Variants in ASMT observed in about 807,000 individuals in gnomAD.
The protein encoded by ASMT is acetylserotonin O-methyltransferase.
Under a neutral mutation model 41.3 loss-of-function variants are expected in ASMT, and 53 were observed. The observed-to-expected ratio is 1.28, with a 90% CI of 1.03 to 1.61. ASMT has a LOEUF of 1.61. Ranked by LOEUF, ASMT falls within the 40% of genes most tolerant of loss-of-function variation. The pLI, the probability that ASMT is intolerant of heterozygous loss-of-function variation, is 0.00. For missense variants in ASMT, 531 were observed against 441.3 expected (o/e 1.20, Z -1.82); for synonymous variants, 231 against 184.8 (o/e 1.25, Z -2.03).
chrX:1,635,138 C>T (rs1934913639), intron 7 of ASMT, among the ~76,000 whole-genome samples: 2 of 114,058 alleles, frequency 1.8e-5, no homozygotes, highest in South Asian at 5.3e-4. Context: ...CCACGCCCAG[C>T]TAATTTTTTT....
intron 8 of ASMT, 74 bp downstream of exon 8, chrX:1,636,634 C>G (rs1934977309): frequency 6.2e-7 from 1 of 1,610,548 alleles, no homozygotes; most frequent in Non-Finnish European, 8.5e-7. Context: ...ATTTAGAAGG[C>G]AGGCACTGAA....
Position 1,636,462 on chromosome X carries a change from C to A in ASMT, c.812C>A (p.Pro271Gln), listed in dbSNP as rs121918826. ...GGGGATTTCTTCAAAGACCCTCTTC[C>A]GGAAGCTGATCTGTACATCCTGGCC... ...QEGDFFKDPLPEADLYILARV... is the reference protein window; with the variant it reads ...QEGDFFKDPLQEADLYILARV... The change falls in exon 8 of 9, where the codon CCG (proline) becomes CAG (glutamine). Residue 271 changes from proline to glutamine, a missense_variant. By Grantham distance (76) the Pro-to-Gln change is moderately conservative. Transcript: ENST00000381241. 3 of 1,613,770 alleles carry A rather than the reference C, an allele frequency of 1.9e-6. No homozygotes were observed. Among genetic ancestry groups the A allele is most frequent in the Non-Finnish European group, 2.5e-6 (3 of 1,179,876 alleles).
At chrX:1,642,076 ATGTGGG>A (rs1935201609) in intron 8 of ASMT, among the ~76,000 whole-genome samples, 1 of 143,262 alleles carries the variant, frequency 7.0e-6, no homozygotes, top group South Asian at 2.2e-4. Flanking sequence ...GCCCATGAGG[ATGTGGG>A]CACAGCCTCT....
Position 1,629,807 on chromosome X carries a change from G to A in ASMT, c.444-14G>A, listed in dbSNP as rs201563498. ...GATCCTCACCATCTTGACAAGCGTG[G>A]TTTTGCATGCCAGGTCCGAGGGCGA... On this transcript the variant is annotated splice_polypyrimidine_tract_variant and intron_variant, in intron 4 of 8. Coordinates refer to ENST00000381241, the MANE Select transcript of ASMT (RefSeq NM_001171038.2). 17 of 1,613,530 alleles carry A rather than the reference G, an allele frequency of 1.1e-5. No homozygotes were observed. The highest frequency in any genetic ancestry group is 1.4e-5 in the Non-Finnish European group (17 of 1,179,500).
At position 1,615,103 on chromosome X, in the gene ASMT, T is replaced by G. The variant is rs1934027273; in HGVS notation, c.-97T>G. 1 of 1,047,004 alleles carries G rather than the reference T, an allele frequency of 9.6e-7. No individual in the cohort carries two copies. The highest frequency in any genetic ancestry group is 1.6e-5 in the African/African-American group (1 of 64,196). 64.9% of individuals were successfully genotyped at this position (1,047,004 alleles called of 1,614,324 possible). On this transcript the variant is annotated 5_prime_UTR_variant, in exon 1 of 9. Transcript: ENST00000381241. The stretch of plus-strand genomic sequence containing the variant: ...AGCAGGGAGAGTCAGGCAGCAGCTG[T>G]GAGCGGGTGGCTCTTCCCCACCTTG...
At chrX:1,635,304 C>T (rs1934920990) in intron 7 of ASMT, among the ~76,000 whole-genome samples, 1 of 151,996 alleles carries the variant, frequency 6.6e-6, no homozygotes. Flanking sequence ...CTTCACTGCA[C>T]AGAGCTCACC....
intron 8 of ASMT, among the ~76,000 whole-genome samples, chrX:1,641,967 G>C (rs1935194317): frequency 7.1e-6 from 1 of 140,110 alleles, no homozygotes; most frequent in African/African-American, 2.6e-5. Context: ...CAGTGTCTGT[G>C]AGGTCCACCC....
chrX:1,616,971 G>C (rs1190413905), intron 1 of ASMT, among the ~76,000 whole-genome samples: 1 of 152,014 alleles, frequency 6.6e-6, no homozygotes, highest in African/African-American at 2.4e-5. Flanking sequence ...GCCTCCCAAA[G>C]TGCTGGGATT....
At chrX:1,615,873 G>C (rs747720510) in intron 1 of ASMT, among the ~76,000 whole-genome samples, 1 of 152,120 alleles carries the variant, frequency 6.6e-6, no homozygotes, top group Non-Finnish European at 1.5e-5. Flanking sequence ...TTAGAAACAA[G>C]ACAATGTTTA....
In ASMT at chrX:1,623,185, A is replaced by G; in HGVS notation, c.116A>G (p.Glu39Gly). The change falls in exon 2 of 9, where the codon GAG (glutamate) becomes GGG (glycine). Residue 39 changes from glutamate to glycine, a missense_variant. Coordinates refer to ENST00000381241, the MANE Select transcript of ASMT (RefSeq NM_001171038.2). ...CELGVFDLLA[E>G]APGPLDVAAV... ...CTGGGCGTGTTTGACCTTCTCGCCG[A>G]GGCCCCAGGGCCCCTGGACGTGGCG... The G allele has an allele frequency of 6.2e-7, 1 of 1,613,246 alleles. No homozygotes were observed. The highest frequency in any genetic ancestry group is 8.5e-7 in the Non-Finnish European group (1 of 1,179,830).
At chrX:1,629,325 G>T (rs766790103) in intron 4 of ASMT, among the ~76,000 whole-genome samples, 15 of 151,524 alleles carry the variant, frequency 9.9e-5, no homozygotes, top group Non-Finnish European at 1.8e-4. Flanking sequence ...AGGGAGCTGT[G>T]GGGGGGGAGG....
intron 2 of ASMT, 144 bp downstream of exon 2, chrX:1,623,457 G>T: frequency 9.4e-7 from 1 of 1,068,448 alleles, no homozygotes; most frequent in Non-Finnish European, 1.4e-6. Flanking sequence ...AAATTAGCCG[G>T]GTGTGGTGGC....
At chrX:1,642,678 G>T (rs1160869449) in intron 8 of ASMT, 125 bp from the exon 9 acceptor site, 113 of 848,138 alleles carry the variant, frequency 1.3e-4, no homozygotes, top group Non-Finnish European at 2.1e-4. Context: ...CAGCCTCTGA[G>T]TGTGTGATGG....
rs768791548 is a variant in ASMT at position 1,642,847 on chromosome X, C to T, written c.955C>T (p.Arg319Ter). 2.0e-5 allele frequency: 32 copies of T among 1,613,846 alleles called. No individual in the cohort carries two copies. Among genetic ancestry groups the T allele is most frequent in the Admixed American group, 5.0e-5 (3 of 59,990 alleles). The change falls in exon 9 of 9, where the codon CGA (arginine) becomes TGA (stop). Residue 319 changes from arginine (R) to a stop codon, truncating the protein, a stop_gained. Transcript: ENST00000381241. LOFTEE classifies it high-confidence loss of function. ...TGAAAGCCTCCTGGATGAAGACAGGCGAGGTCCTCTGCTCACGCAGCTCTA... is the reference window on the plus strand; with the variant it reads ...TGAAAGCCTCCTGGATGAAGACAGGTGAGGTCCTCTGCTCACGCAGCTCTA... ...VIESLLDEDR[R>*]GPLLTQLYSL...
At chrX:1,636,377 A>G (rs780463063) in intron 7 of ASMT, 61 bp from the exon 8 acceptor site, 24 of 1,613,536 alleles carry the variant, frequency 1.5e-5, no homozygotes, top group Non-Finnish European at 2.0e-5. Context: ...TGCCCAGAAT[A>G]GGTTTAGTCA....
Position 1,636,428 on chromosome X carries a change from T to C in ASMT, c.788-10T>C, listed in dbSNP as rs201486873. Reference sequence around the variant, plus strand: ...CAGGCTGACCTCGGTGTGCCTGCCCTGTGTTCCAGGGGATTTCTTCAAAGA... The same window carrying C: ...CAGGCTGACCTCGGTGTGCCTGCCCCGTGTTCCAGGGGATTTCTTCAAAGA... On this transcript the variant is annotated splice_polypyrimidine_tract_variant and intron_variant, in intron 7 of 8. Coordinates refer to ENST00000381241, the MANE Select transcript of ASMT (RefSeq NM_001171038.2). 5 of 1,613,936 alleles carry C rather than the reference T, an allele frequency of 3.1e-6. No individual in the cohort carries two copies. In the East Asian group the frequency reaches 8.9e-5, roughly 29 times the overall value.
intron 8 of ASMT, among the ~76,000 whole-genome samples, chrX:1,642,125 GT>G (rs1165111521): frequency 2.2e-5 from 3 of 136,510 alleles, no homozygotes; most frequent in Admixed American, 7.9e-5. Flanking sequence ...CGGTGTCCCA[GT>G]TCTCCTGTGA....
At chrX:1,633,327 C>T (rs769011293) in intron 7 of ASMT, 37 bp downstream of exon 7, 64 of 1,613,440 alleles carry the variant, frequency 4.0e-5, no homozygotes, top group Non-Finnish European at 5.3e-5. Context: ...AGATGTGTCT[C>T]ACGGCTTCTC....
At position 1,630,589 on chromosome X, in the gene ASMT, G is replaced by C. The variant is rs149448890; in HGVS notation, c.562+650G>C. On this transcript the variant is annotated intron_variant, in intron 5 of 8. Coordinates refer to ENST00000381241, the MANE Select transcript of ASMT (RefSeq NM_001171038.2). ...TTTTTAGTTTTTGAGAGAGGGTCCT[G>C]TTTGTCACCCAGGCTCGAGTGCAAT... 4.3e-3 allele frequency among the ~76,000 whole-genome samples: 651 copies of C among 151,892 alleles called. 2 individuals carry two copies. The highest frequency in any genetic ancestry group is 0.015 in the African/African-American group (627 of 41,448).
Sources: allele counts gnomAD v4.1 joint callset (sites outside exome capture counted in the v4.1 genomes callset), GRCh38; gene constraint gnomAD v4.1.1; transcripts MANE v1.5; gene names NCBI Gene and HGNC (gene_info 2026-07-23, HGNC 2026-07-21).